Variants in FAT3 observed in about 807,000 individuals in gnomAD.
FAT3 encodes protocadherin Fat 3.
FAT3 carries 95 observed loss-of-function variants against 310.2 expected under a neutral mutation model. The observed-to-expected ratio is 0.31, with a 90% CI of 0.26 to 0.36. The LOEUF is 0.36. FAT3 is among the 10% of genes least tolerant of loss of function. The pLI is 1.00. For synonymous variants in FAT3, 2,314 were observed against 2,192.9 expected (o/e 1.06, Z -1.54); for missense variants, 5,408 against 5,715.6 (o/e 0.95, Z 1.74).
At chr11:92,825,795 G>GTA (rs1948086379) in intron 13 of FAT3, among the ~76,000 whole-genome samples, 2 of 152,010 alleles carry the variant, frequency 1.3e-5, no homozygotes, top group South Asian at 4.2e-4. Flanking sequence ...AGAGGACAGG[G>GTA]TATCAACTCT....
intron 1 of FAT3, among the ~76,000 whole-genome samples, chr11:92,233,235 T>A (rs898341681): frequency 6.6e-5 from 10 of 152,222 alleles, no homozygotes; most frequent in African/African-American, 2.4e-4. Context: ...CCTATACTGG[T>A]ACTAATGTGA....
chr11:92,507,574 C>T (rs1193836995), intron 2 of FAT3, among the ~76,000 whole-genome samples: 2 of 151,244 alleles, frequency 1.3e-5, no homozygotes, highest in Admixed American at 1.3e-4. Flanking sequence ...ACACACATAT[C>T]CTATATCTGT....
intron 2 of FAT3, among the ~76,000 whole-genome samples, chr11:92,507,603 A>ATG (rs1305328328): frequency 6.6e-6 from 1 of 151,826 alleles, no homozygotes; most frequent in African/African-American, 2.4e-5. Flanking sequence ...TATAACATAT[A>ATG]TGTGTGTATA....
intron 4 of FAT3, among the ~76,000 whole-genome samples, chr11:92,746,450 C>T (rs994247586): frequency 1.3e-5 from 2 of 152,130 alleles, no homozygotes; most frequent in East Asian, 3.9e-4. Context: ...CTGGTCCCAC[C>T]GTTGATATGT....
intron 2 of FAT3, among the ~76,000 whole-genome samples, chr11:92,357,759 A>G (rs1158261264): frequency 6.6e-6 from 1 of 152,036 alleles, no homozygotes; most frequent in African/African-American, 2.4e-5. Context: ...ATTTGGTATT[A>G]GTGGCCTAGA....
chr11:92,533,409 G>C (rs1270326770), intron 3 of FAT3, among the ~76,000 whole-genome samples: 2 of 152,128 alleles, frequency 1.3e-5, no homozygotes, highest in Admixed American at 6.5e-5. Flanking sequence ...CACCATCCAT[G>C]ATAGGAAGTA....
At position 92,232,628 on chromosome 11, in the gene FAT3, G is replaced by GTTTTTTTTT. The variant is rs56273706; in HGVS notation, c.-18+7472_-18+7480dup. 7.0e-4 allele frequency among the ~76,000 whole-genome samples: 52 copies of GTTTTTTTTT among 74,752 alleles called. 1 individual carries two copies. Among genetic ancestry groups the GTTTTTTTTT allele is most frequent in the Admixed American group, 1.2e-3 (7 of 5,646 alleles). 49.0% of individuals were successfully genotyped at this position (74,752 alleles called of 152,430 possible). On this transcript the variant is annotated intron_variant, in intron 1 of 27. Transcript: ENST00000525166. ...TGTGCTTCTTGACTTCAGTGATGTC[G>GTTTTTTTTT]TTTTTTTTTTTTTTTTTTTTTTTTT...
chr11:92,855,192 A>G (rs1245363074), intron 19 of FAT3, among the ~76,000 whole-genome samples: 1 of 152,256 alleles, frequency 6.6e-6, no homozygotes. Flanking sequence ...CAGCAGAGTC[A>G]GCTGGTAGGG....
chr11:92,567,554 A>G (rs1411459042), intron 3 of FAT3, among the ~76,000 whole-genome samples: 1 of 151,688 alleles, frequency 6.6e-6, no homozygotes, highest in African/African-American at 2.4e-5. Flanking sequence ...CCAAAGGACT[A>G]TAGATCATGC....
At chr11:92,393,792 T>C (rs1192259261) in intron 2 of FAT3, among the ~76,000 whole-genome samples, 2 of 152,188 alleles carry the variant, frequency 1.3e-5, no homozygotes, top group African/African-American at 4.8e-5. Flanking sequence ...AGGGCTTCAC[T>C]CAGAAGCAGT....
rs1228580301 is a variant in FAT3, at chr11:92,697,416, C to G, written c.3640C>G (p.Arg1214Gly). 2 of 1,613,800 alleles carry G rather than the reference C, an allele frequency of 1.2e-6. No individual in the cohort carries two copies. Among genetic ancestry groups the G allele is most frequent in the Non-Finnish European group, 8.5e-7 (1 of 1,179,798 alleles). ...LITTTSRKLD[R>G]EQQAEHFLEV... ...TACAACAACTTCAAGGAAATTGGAT[C>G]GAGAACAGCAGGCAGAACATTTTCT... Residue 1214 changes from arginine to glycine, a missense_variant, in exon 4 of 28, where the codon CGA becomes GGA. By Grantham distance (125) the Arg-to-Gly change is moderately radical. Transcript: ENST00000525166.
intron 3 of FAT3, among the ~76,000 whole-genome samples, chr11:92,690,576 A>AT (rs1159568730): frequency 1.3e-5 from 2 of 152,004 alleles, no homozygotes; most frequent in South Asian, 2.1e-4. Flanking sequence ...TTGTATATAT[A>AT]TTTTTTTCTT....
intron 2 of FAT3, among the ~76,000 whole-genome samples, chr11:92,401,664 C>A (rs1007118932): frequency 6.6e-6 from 1 of 152,166 alleles, no homozygotes; most frequent in Admixed American, 6.5e-5. Context: ...CTCCCCTACA[C>A]TCCACCACAA....
intron 21 of FAT3, among the ~76,000 whole-genome samples, chr11:92,864,077 G>A (rs938735867): frequency 1.3e-5 from 2 of 152,124 alleles, no homozygotes; most frequent in Non-Finnish European, 2.9e-5. Context: ...TAACCGTGCC[G>A]TGTTAGTATG....
intron 1 of FAT3, among the ~76,000 whole-genome samples, chr11:92,297,312 T>C (rs1177083382): frequency 6.6e-6 from 1 of 152,112 alleles, no homozygotes; most frequent in African/African-American, 2.4e-5. Context: ...TTTTACAAGC[T>C]CCTTATGGGG....
At chr11:92,247,943 G>A (rs146589688) in intron 1 of FAT3, among the ~76,000 whole-genome samples, 76 of 152,088 alleles carry the variant, frequency 5.0e-4, no homozygotes, top group African/African-American at 1.7e-3. Flanking sequence ...AATGGCTACT[G>A]TACTCTAGTC....
chr11:92,870,592 T>G (rs1310648561), intron 22 of FAT3, among the ~76,000 whole-genome samples: 1 of 152,172 alleles, frequency 6.6e-6, no homozygotes, highest in African/African-American at 2.4e-5. Context: ...GCCCAATGTC[T>G]GAATGTAATA....
chr11:92,272,466 A>T (rs1042908873), intron 1 of FAT3, among the ~76,000 whole-genome samples: 3 of 152,134 alleles, frequency 2.0e-5, no homozygotes, highest in African/African-American at 7.2e-5. Context: ...TCAGGGAGAT[A>T]AATGAGACAT....
intron 5 of FAT3, among the ~76,000 whole-genome samples, chr11:92,763,838 T>G (rs1015601512): frequency 1.3e-5 from 2 of 152,124 alleles, no homozygotes; most frequent in Admixed American, 6.5e-5. Flanking sequence ...TCTTAGCTCC[T>G]GGGGGAACCT....
Sources: gnomAD v4.1 joint callset for allele counts (sites outside exome capture counted in the v4.1 genomes callset) on GRCh38, gnomAD v4.1.1 for gene constraint, MANE v1.5 for transcripts, NCBI Gene and HGNC (gene_info 2026-07-23, HGNC 2026-07-21) for gene names.